Variants in HDAC9 observed in about 807,000 individuals in gnomAD.
The protein encoded by HDAC9 is histone deacetylase 9, also known as MEF-2 interacting transcription repressor (MITR) protein.
HDAC9 carries 41 observed loss-of-function variants against 139.4 expected under a neutral mutation model. The observed-to-expected ratio is 0.29, with a 90% CI of 0.23 to 0.38. HDAC9 has a LOEUF of 0.38. Among genes scored for constraint, HDAC9 ranks in the 10% least tolerant of loss-of-function variants. The pLI is 1.00. For synonymous variants in HDAC9, 517 were observed against 476.2 expected, an observed-to-expected ratio of 1.09 and a Z score of -1.12; for missense variants, 1,147 against 1,297.0, an observed-to-expected ratio of 0.88 and a Z score of 1.78.
intron 21 of HDAC9, among the ~76,000 whole-genome samples, chr7:18,869,675 T>G (rs1798769003): frequency 6.6e-6 from 1 of 152,174 alleles, no homozygotes; most frequent in African/African-American, 2.4e-5. Flanking sequence ...CCAGCAGACA[T>G]CCACTGCTTG....
At chr7:18,344,927 ATCT>A (rs1414013886) in intron 1 of HDAC9, among the ~76,000 whole-genome samples, 1 of 152,058 alleles carries the variant, frequency 6.6e-6, no homozygotes, top group African/African-American at 2.4e-5. Flanking sequence ...TAATGAACAA[ATCT>A]TCTATTAAAA....
At chr7:18,630,786 A>T (rs2128978564) in intron 7 of HDAC9, among the ~76,000 whole-genome samples, 1 of 152,154 alleles carries the variant, frequency 6.6e-6, no homozygotes, top group East Asian at 1.9e-4. Flanking sequence ...GTAAATAAAA[A>T]TCTTAGGTTT....
At chr7:18,355,238 A>G (rs1783164202) in intron 1 of HDAC9, among the ~76,000 whole-genome samples, 1 of 152,192 alleles carries the variant, frequency 6.6e-6, no homozygotes, top group African/African-American at 2.4e-5. Flanking sequence ...GTACAGAGAA[A>G]TTAAGTACCC....
Position 18,603,686 on chromosome 7 carries a change from C to G in HDAC9, c.664+9657C>G, listed in dbSNP as rs550851890. Among the ~76,000 whole-genome samples, 11 of 152,184 alleles carry G rather than the reference C, an allele frequency of 7.2e-5. No homozygotes were observed. In the South Asian group the frequency reaches 2.1e-3, roughly 29 times the overall value. ...TCCTATTATTATTGTGCACAGTTAA[C>G]TATTAGATCAATTGATAATAAAAAT... On this transcript the variant is annotated intron_variant, in intron 6 of 25. Coordinates refer to ENST00000686413, the MANE Select transcript of HDAC9 (RefSeq NM_178425.4).
At position 18,591,609 on chromosome 7, in the gene HDAC9, A is replaced by T; in HGVS notation, c.509A>T (p.His170Leu). The change falls in exon 5 of 26, where the codon CAT becomes CTT. Residue 170 changes from histidine to leucine, a missense_variant. By Grantham distance (99) the His-to-Leu change is moderately conservative. Transcript: ENST00000686413. The part of the protein sequence containing the change: ...TKDTPTNGKN[H>L]SVSRHPKLWY... ...GACACTCCAACTAATGGAAAAAATC[A>T]TTCCGTGAGCCGCCATCCCAAGCTC... 6.2e-7 allele frequency: 1 copy of T among 1,613,512 alleles called. No individual in the cohort carries two copies. Among genetic ancestry groups the T allele is most frequent in the Non-Finnish European group, 8.5e-7 (1 of 1,179,692 alleles).
intron 1 of HDAC9, among the ~76,000 whole-genome samples, chr7:18,421,019 C>A (rs1789569214): frequency 6.6e-6 from 1 of 152,160 alleles, no homozygotes; most frequent in Non-Finnish European, 1.5e-5. Flanking sequence ...TAATGCCTTA[C>A]CTTGTACCTT....
intron 1 of HDAC9, among the ~76,000 whole-genome samples, chr7:18,097,432 G>A (rs1398521119): frequency 3.4e-5 from 5 of 145,654 alleles, no homozygotes; most frequent in Non-Finnish European, 4.5e-5. Flanking sequence ...GCCTGACACC[G>A]CTTTACCAAA....
intron 13 of HDAC9, among the ~76,000 whole-genome samples, chr7:18,733,150 T>C (rs1056189413): frequency 6.8e-6 from 1 of 147,566 alleles, no homozygotes; most frequent in Non-Finnish European, 1.5e-5. Context: ...TGTATACACA[T>C]ATATACACGT....
intron 22 of HDAC9, among the ~76,000 whole-genome samples, chr7:18,925,051 C>CA (rs1804095042): frequency 6.6e-6 from 1 of 151,954 alleles, no homozygotes; most frequent in Non-Finnish European, 1.5e-5. Context: ...GAAAAAATAG[C>CA]AAAAAAATCG....
intron 6 of HDAC9, among the ~76,000 whole-genome samples, chr7:18,619,775 C>G (rs977032728): frequency 2.0e-5 from 3 of 151,998 alleles, no homozygotes; most frequent in African/African-American, 7.3e-5. Context: ...TTTAGTATTC[C>G]TTCCCTCACC....
intron 13 of HDAC9, 70 bp from the exon 14 acceptor site, chr7:18,748,935 T>A (rs1298176295): frequency 7.1e-7 from 1 of 1,399,270 alleles, no homozygotes; most frequent in Non-Finnish European, 9.8e-7. Flanking sequence ...AGTTATCATA[T>A]TATCTCCTAA....
intron 21 of HDAC9, among the ~76,000 whole-genome samples, chr7:18,842,733 T>G (rs1243290922): frequency 1.3e-5 from 2 of 152,132 alleles, no homozygotes; most frequent in Non-Finnish European, 1.5e-5. Context: ...ATCAAAAAAT[T>G]ACAATTTCTA....
intron 23 of HDAC9, among the ~76,000 whole-genome samples, chr7:18,944,209 C>G (rs1227765059): frequency 1.3e-5 from 2 of 152,128 alleles, no homozygotes; most frequent in Admixed American, 6.6e-5. Flanking sequence ...AGAGTCAGGT[C>G]TTCATTACAA....
intron 12 of HDAC9, among the ~76,000 whole-genome samples, chr7:18,712,039 A>G (rs1324958174): frequency 6.6e-6 from 1 of 151,966 alleles, no homozygotes; most frequent in African/African-American, 2.4e-5. Flanking sequence ...AGTGTGCAGG[A>G]TGAAGGATGT....
At chr7:18,630,768 G>T (rs888144993) in intron 7 of HDAC9, among the ~76,000 whole-genome samples, 2 of 152,030 alleles carry the variant, frequency 1.3e-5, no homozygotes, top group African/African-American at 4.8e-5. Context: ...AAATACTATT[G>T]TATGTAAGTA....
rs1390235208 is a variant in HDAC9, at chr7:18,137,104, T to C, written c.-96-25125T>C. Among the ~76,000 whole-genome samples the C allele has an allele frequency of 8.8e-5, 13 of 146,980 alleles. No homozygotes were observed. In the East Asian group the frequency reaches 1.2e-3, roughly 13 times the overall value. On this transcript the variant is annotated intron_variant, in intron 1 of 12. Coordinates refer to the HDAC9 transcript ENST00000417496. ...GTTCACTCATGATTTGGCTCTCTGT[T>C]TGTCTGTTATTGGTGTATAGGAATG...
At chr7:18,973,244 G>T (rs557421549) in intron 24 of HDAC9, among the ~76,000 whole-genome samples, 33 of 152,152 alleles carry the variant, frequency 2.2e-4, no homozygotes, top group African/African-American at 7.7e-4. Flanking sequence ...CTTTCCTCTA[G>T]TCTTTATAAT....
intron 23 of HDAC9, chr7:18,949,534 AGT>A (rs1469435468): frequency 9.3e-6 from 2 of 214,968 alleles, no homozygotes; most frequent in Non-Finnish European, 2.0e-5. Context: ...CAAAGTTGCC[AGT>A]GTTACTTTTA....
intron 1 of HDAC9, among the ~76,000 whole-genome samples, chr7:18,304,854 A>G (rs1466057957): frequency 6.6e-6 from 1 of 152,144 alleles, no homozygotes; most frequent in Non-Finnish European, 1.5e-5. Flanking sequence ...CCTCAGTGGA[A>G]AATGTATGAA....
Sources: allele counts gnomAD v4.1 joint callset (sites outside exome capture counted in the v4.1 genomes callset), GRCh38; gene constraint gnomAD v4.1.1; transcripts MANE v1.5; gene names NCBI Gene and HGNC (gene_info 2026-07-23, HGNC 2026-07-21).